Variants in C1orf21 observed in about 807,000 individuals in gnomAD.
C1orf21 encodes the protein chromosome 1 open reading frame 21.
A neutral mutation model predicts 18.7 loss-of-function variants in C1orf21; 3 were observed. The ratio of observed to expected loss-of-function variants is 0.16; its 90% CI spans 0.07 to 0.42. The LOEUF (loss-of-function observed/expected upper bound fraction) is 0.42. Among genes scored for constraint, C1orf21 ranks in the 10% least tolerant of loss-of-function variants. C1orf21 has a pLI of 0.99. For synonymous variants in C1orf21, 41 were observed against 46.4 expected, an observed-to-expected ratio of 0.88 and a Z score of 0.47; for missense variants, 104 against 143.6, an observed-to-expected ratio of 0.72 and a Z score of 1.41.
intron 3 of C1orf21, chr1:184,568,249 A>G: frequency 4.2e-6 from 1 of 237,384 alleles, no homozygotes; most frequent in South Asian, 4.7e-5. Context: ...CATCTTAATC[A>G]TTTTTGAGAA....
chr1:184,509,347 A>G (rs867878630), intron 3 of C1orf21, among the ~76,000 whole-genome samples: 29 of 152,322 alleles, frequency 1.9e-4, no homozygotes, highest in African/African-American at 6.7e-4. Context: ...GAATTTGAAA[A>G]GAGAAAAATA....
chr1:184,520,177 C>A (rs929161125), intron 3 of C1orf21, among the ~76,000 whole-genome samples: 2 of 152,114 alleles, frequency 1.3e-5, no homozygotes, highest in East Asian at 3.9e-4. Flanking sequence ...ATAATGACAA[C>A]AATATTTCCC....
At chr1:184,528,588 G>C (rs1301419446) in intron 3 of C1orf21, among the ~76,000 whole-genome samples, 3 of 152,112 alleles carry the variant, frequency 2.0e-5, no homozygotes, top group African/African-American at 7.2e-5. Flanking sequence ...GAGATTACAG[G>C]CGCCTGCTAC....
intron 2 of C1orf21, among the ~76,000 whole-genome samples, 151 bp from the exon 3 acceptor site, chr1:184,507,433 CTAGT>C (rs1293567687): frequency 1.3e-5 from 2 of 152,114 alleles, no homozygotes; most frequent in Non-Finnish European, 2.9e-5. Context: ...TCTAAGATGC[CTAGT>C]TAAGCTTCTT....
At chr1:184,497,622 T>G (rs1480648660) in intron 2 of C1orf21, among the ~76,000 whole-genome samples, 1 of 152,218 alleles carries the variant, frequency 6.6e-6, no homozygotes, top group Non-Finnish European at 1.5e-5. Flanking sequence ...AGAAGATATT[T>G]CAGATGTATT....
intron 1 of C1orf21, among the ~76,000 whole-genome samples, chr1:184,415,098 G>T (rs139848240): frequency 2.3e-3 from 345 of 152,286 alleles, no homozygotes; most frequent in Middle Eastern, 0.017. Flanking sequence ...GGTTCCTCCT[G>T]ACCCTCACTC....
intron 3 of C1orf21, among the ~76,000 whole-genome samples, chr1:184,521,925 A>G (rs1321860869): frequency 6.6e-6 from 1 of 152,224 alleles, no homozygotes; most frequent in Non-Finnish European, 1.5e-5. Context: ...GACCAAAACT[A>G]AAAGCAACCA....
chr1:184,580,334 G>T (rs544080397), intron 3 of C1orf21, among the ~76,000 whole-genome samples: 1 of 152,366 alleles, frequency 6.6e-6, no homozygotes, highest in South Asian at 2.1e-4. Context: ...TTCATTGAAA[G>T]CTCTGCTCTT....
intron 1 of C1orf21, among the ~76,000 whole-genome samples, chr1:184,392,117 A>G (rs1655978750): frequency 6.6e-6 from 1 of 152,172 alleles, no homozygotes. Flanking sequence ...TCTTCATCTT[A>G]TTTGCCTCAG....
At chr1:184,604,521 CT>C (rs1659624535) in intron 5 of C1orf21, among the ~76,000 whole-genome samples, 1 of 152,212 alleles carries the variant, frequency 6.6e-6, no homozygotes, top group African/African-American at 2.4e-5. Context: ...ATAACCAAGT[CT>C]GTTTTTGTCT....
intron 2 of C1orf21, among the ~76,000 whole-genome samples, chr1:184,506,179 T>C (rs1300916424): frequency 6.6e-6 from 1 of 152,192 alleles, no homozygotes; most frequent in African/African-American, 2.4e-5. Context: ...TACAAAAAAA[T>C]AGAATCAATA....
At chr1:184,397,757 A>G (rs533188315) in intron 1 of C1orf21, among the ~76,000 whole-genome samples, 124 of 152,344 alleles carry the variant, frequency 8.1e-4, no homozygotes, top group African/African-American at 2.8e-3. Context: ...ATTTGGAGCC[A>G]TGGTTTGGGA....
intron 1 of C1orf21, among the ~76,000 whole-genome samples, chr1:184,410,652 TATA>T (rs1656331053): frequency 1.3e-3 from 9 of 7,144 alleles, no homozygotes; most frequent in Admixed American, 4.3e-3. Flanking sequence ...TATATATATA[TATA>T]TATATATATT....
At chr1:184,562,956 A>C (rs1999996) in intron 3 of C1orf21, among the ~76,000 whole-genome samples, 164 of 152,154 alleles carry the variant, frequency 1.1e-3, no homozygotes, top group Non-Finnish European at 2.0e-3. Flanking sequence ...CTGAGCCTAC[A>C]TGACCAAAGT....
At chr1:184,541,447 A>C (rs900673389) in intron 3 of C1orf21, among the ~76,000 whole-genome samples, 11 of 152,174 alleles carry the variant, frequency 7.2e-5, no homozygotes, top group Non-Finnish European at 1.2e-4. Flanking sequence ...ACCCCAGCAC[A>C]CAGAATTATG....
At chr1:184,554,672 C>A (rs1558001472) in intron 3 of C1orf21, among the ~76,000 whole-genome samples, 1 of 152,132 alleles carries the variant, frequency 6.6e-6, no homozygotes, top group East Asian at 1.9e-4. Context: ...AAACAAACAC[C>A]AATTCAAGGA....
intron 2 of C1orf21, among the ~76,000 whole-genome samples, chr1:184,504,279 TG>T (rs1658019927): frequency 6.6e-6 from 1 of 152,046 alleles, no homozygotes; most frequent in African/African-American, 2.4e-5. Flanking sequence ...GCAAGGAAGC[TG>T]GGGGGAGCCG....
intron 5 of C1orf21, among the ~76,000 whole-genome samples, chr1:184,613,850 G>T (rs1472814552): frequency 6.6e-6 from 1 of 152,014 alleles, no homozygotes; most frequent in Non-Finnish European, 1.5e-5. Context: ...CACTGAGAAG[G>T]GAAGAGACTG....
chr1:184,424,750 C>T lies in C1orf21; in HGVS notation c.-125+37382C>T, dbSNP rs146775164. Among the ~76,000 whole-genome samples, 623 of 152,238 alleles carry T rather than the reference C, an allele frequency of 4.1e-3. 5 individuals are homozygous for T. The highest frequency in any genetic ancestry group is 0.011 in the African/African-American group (451 of 41,552). ...AGTGAAGTAATTTCCAGTTCACGGG[C>T]ACACAGCCAGTAAGTGGAAGTACTG... is the stretch of plus-strand genomic sequence containing the variant. On this transcript the variant is annotated intron_variant, in intron 1 of 5. Transcript: ENST00000235307.
Sources: allele counts gnomAD v4.1 joint callset (sites outside exome capture counted in the v4.1 genomes callset), GRCh38; gene constraint gnomAD v4.1.1; transcripts MANE v1.5; gene names NCBI Gene and HGNC (gene_info 2026-07-23, HGNC 2026-07-21).